The following CACNA1C variants were observed in gnomAD, a reference collection of about 807,000 sequenced individuals.
CACNA1C encodes the protein voltage-dependent L-type calcium channel subunit alpha-1C.
A neutral mutation model predicts 229.0 loss-of-function variants in CACNA1C; 30 were observed. The ratio of observed to expected loss-of-function variants is 0.13; its 90% CI spans 0.10 to 0.18. CACNA1C has a LOEUF of 0.18. Ranked by LOEUF, CACNA1C falls within the 10% of genes least tolerant of loss-of-function variation. The pLI is 1.00. For synonymous variants in CACNA1C, 1,114 were observed against 1,132.5 expected (o/e 0.98, Z 0.33); for missense variants, 1,658 against 2,845.0 (o/e 0.58, Z 9.49).
chr12:2,246,168 G>A (rs948735620), intron 3 of CACNA1C, among the ~76,000 whole-genome samples: 3 of 152,136 alleles, frequency 2.0e-5, no homozygotes, highest in African/African-American at 7.2e-5. Context: ...AACAGCACAG[G>A]GCATGGCGTG....
At chr12:2,378,824 C>CTG (rs147464208) in intron 3 of CACNA1C, among the ~76,000 whole-genome samples, 1 of 146,274 alleles carries the variant, frequency 6.8e-6, no homozygotes, top group Admixed American at 6.8e-5. Context: ...CTTCCTCTCT[C>CTG]TCTTTCCTTC....
At chr12:2,317,467 C>G (rs2154492243) in intron 3 of CACNA1C, among the ~76,000 whole-genome samples, 1 of 152,178 alleles carries the variant, frequency 6.6e-6, no homozygotes, top group East Asian at 1.9e-4. Context: ...AGATGGGAAG[C>G]AGGATGACGG....
chr12:2,172,030 G>T (rs2096502284), intron 3 of CACNA1C, among the ~76,000 whole-genome samples: 1 of 152,194 alleles, frequency 6.6e-6, no homozygotes, highest in African/African-American at 2.4e-5. Context: ...GAGCGTGAAT[G>T]CAGGGTTGTT....
chr12:2,657,622 A>C (rs2095490220), intron 34 of CACNA1C, among the ~76,000 whole-genome samples: 1 of 152,186 alleles, frequency 6.6e-6, no homozygotes, highest in Non-Finnish European at 1.5e-5. Flanking sequence ...AGATGGCAGG[A>C]ATAAGAACAA....
At chr12:2,482,088 A>G (rs1243015231) in intron 5 of CACNA1C, among the ~76,000 whole-genome samples, 1 of 152,250 alleles carries the variant, frequency 6.6e-6, no homozygotes, top group Non-Finnish European at 1.5e-5. Flanking sequence ...CCTGAGAGCC[A>G]AACTCTACAT....
intron 9 of CACNA1C, among the ~76,000 whole-genome samples, chr12:2,516,891 C>T (rs1014202773): frequency 6.6e-6 from 1 of 152,202 alleles, no homozygotes; most frequent in Non-Finnish European, 1.5e-5. Flanking sequence ...TACTTAACCC[C>T]TGGATCTCTG....
chr12:2,300,683 T>G (rs1244137211), intron 3 of CACNA1C, among the ~76,000 whole-genome samples: 1 of 152,122 alleles, frequency 6.6e-6, no homozygotes, highest in Non-Finnish European at 1.5e-5. Flanking sequence ...GAATTGGCCG[T>G]CTGGTCTGGG....
intron 1 of CACNA1C, among the ~76,000 whole-genome samples, chr12:2,073,121 C>G (rs2061960736): frequency 6.6e-6 from 1 of 152,160 alleles, no homozygotes; most frequent in South Asian, 2.1e-4. Flanking sequence ...TTTCAGCTCT[C>G]AAAGTCTTGC....
intron 3 of CACNA1C, among the ~76,000 whole-genome samples, chr12:2,205,367 A>G (rs2097725606): frequency 6.6e-6 from 1 of 152,194 alleles, no homozygotes. Flanking sequence ...GGGACTGCCC[A>G]GAGGCACTCA....
chr12:2,143,869 G>A (rs956295917), intron 3 of CACNA1C, among the ~76,000 whole-genome samples: 2 of 143,622 alleles, frequency 1.4e-5, no homozygotes, highest in African/African-American at 2.5e-5. Context: ...CCACCCCAAT[G>A]CCCACCCTTT....
At position 2,086,793 on chromosome 12, in the gene CACNA1C, C is replaced by T. The variant is rs373962135; in HGVS notation, c.50-28431C>T. On this transcript the variant is annotated intron_variant, in intron 1 of 46. Coordinates refer to ENST00000399655, the MANE Select transcript of CACNA1C (RefSeq NM_000719.7). The stretch of plus-strand genomic sequence containing the variant: ...GGTGCGTGGGAGCTTCTCACTGGCC[C>T]GGCCTGGACTAGCACACCATCACTT... 5.3e-5 allele frequency among the ~76,000 whole-genome samples: 8 copies of T among 152,248 alleles called. No individual in the cohort carries two copies. The East Asian group carries it at 5.8e-4, about 11-fold the overall frequency.
intron 3 of CACNA1C, among the ~76,000 whole-genome samples, chr12:2,185,224 G>A (rs1363223165): frequency 3.9e-5 from 6 of 152,182 alleles, no homozygotes; most frequent in African/African-American, 1.4e-4. Flanking sequence ...GCAGGCAGGC[G>A]AGATAGACAA....
At chr12:2,177,820 A>G (rs2096715291) in intron 3 of CACNA1C, among the ~76,000 whole-genome samples, 1 of 151,824 alleles carries the variant, frequency 6.6e-6, no homozygotes, top group South Asian at 2.1e-4. Context: ...CATTTTTAGT[A>G]GAGATGGGAT....
intron 3 of CACNA1C, among the ~76,000 whole-genome samples, chr12:2,293,174 G>A (rs1566913904): frequency 6.6e-6 from 1 of 152,140 alleles, no homozygotes; most frequent in Non-Finnish European, 1.5e-5. Context: ...CTCTGGCAAG[G>A]AAACGGTAAC....
At chr12:2,372,595 AAATAAT>A (rs1012200787) in intron 3 of CACNA1C, among the ~76,000 whole-genome samples, 7 of 152,146 alleles carry the variant, frequency 4.6e-5, no homozygotes, top group African/African-American at 1.7e-4. Flanking sequence ...CACATTACCA[AAATAAT>A]AATAATAAAT....
chr12:2,578,338 AG>A (rs928530603), intron 13 of CACNA1C, among the ~76,000 whole-genome samples: 20 of 152,120 alleles, frequency 1.3e-4, no homozygotes, highest in Non-Finnish European at 1.9e-4. Flanking sequence ...GGAGAAAGTG[AG>A]GGGGCCCGAG....
At chr12:1,993,406 G>T (rs538126639) in intron 1 of CACNA1C, 1 of 1,606,208 alleles carries the variant, frequency 6.2e-7, no homozygotes. Flanking sequence ...AAATCACAAG[G>T]AGTCAGGGGG....
chr12:2,202,912 G>C (rs183488667), intron 3 of CACNA1C, among the ~76,000 whole-genome samples: 33 of 152,230 alleles, frequency 2.2e-4, no homozygotes, highest in Non-Finnish European at 4.0e-4. Context: ...CCAAGGAGAG[G>C]ACCTCTCTTC....
At chr12:2,638,286 T>C (rs1402960524) in intron 30 of CACNA1C, among the ~76,000 whole-genome samples, 1 of 152,136 alleles carries the variant, frequency 6.6e-6, no homozygotes, top group African/African-American at 2.4e-5. Context: ...TGGGCTTCCT[T>C]AAGGAGGTGA....
Sources: gnomAD v4.1 joint callset for allele counts (sites outside exome capture counted in the v4.1 genomes callset) on GRCh38, gnomAD v4.1.1 for gene constraint, MANE v1.5 for transcripts, NCBI Gene and HGNC (gene_info 2026-07-23, HGNC 2026-07-21) for gene names.